RNF150: variants seen among roughly 807,000 people sequenced by gnomAD.
The protein encoded by RNF150 is ring finger protein 150.
RNF150 carries 24 observed loss-of-function variants against 39.3 expected under a neutral mutation model. That is an observed-to-expected ratio of 0.61 (90% confidence interval 0.44 to 0.86). The LOEUF is 0.86. RNF150 is among the 40% of genes least tolerant of loss of function. RNF150 has a pLI of 0.00. For synonymous variants in RNF150, 255 were observed against 227.3 expected (o/e 1.12, Z -1.10); for missense variants, 502 against 587.8 (o/e 0.85, Z 1.51).
chr4:140,878,115 T>G (rs1178604833), intron 6 of RNF150, among the ~76,000 whole-genome samples: 5 of 152,024 alleles, frequency 3.3e-5, no homozygotes, highest in Non-Finnish European at 7.4e-5. Flanking sequence ...TTTTATTTAT[T>G]TATTTTTAAT....
At chr4:140,985,196 G>A (rs1018019351) in intron 1 of RNF150, among the ~76,000 whole-genome samples, 6 of 152,028 alleles carry the variant, frequency 3.9e-5, no homozygotes, top group Admixed American at 2.0e-4. Flanking sequence ...AGAAAACAGC[G>A]AATGCAAAAA....
chr4:141,140,217 C>G (rs904412729), intron 1 of RNF150, among the ~76,000 whole-genome samples: 10 of 152,176 alleles, frequency 6.6e-5, no homozygotes, highest in African/African-American at 2.4e-4. Flanking sequence ...TCTTTGTTCT[C>G]TTACTAACTT....
At chr4:141,170,057 A>G (rs775899897) in intron 1 of RNF150, among the ~76,000 whole-genome samples, 10 of 152,206 alleles carry the variant, frequency 6.6e-5, no homozygotes, top group Non-Finnish European at 1.3e-4. Context: ...GTCTAGATTT[A>G]GGGATGGCTC....
At chr4:140,922,251 G>T (rs557885130) in intron 5 of RNF150, among the ~76,000 whole-genome samples, 170 of 151,520 alleles carry the variant, frequency 1.1e-3, no homozygotes, top group African/African-American at 3.7e-3. Flanking sequence ...TTCTTAAGCT[G>T]ATAAGCAACT....
At chr4:140,892,312 T>C (rs1351480260) in intron 6 of RNF150, among the ~76,000 whole-genome samples, 1 of 152,192 alleles carries the variant, frequency 6.6e-6, no homozygotes, top group Non-Finnish European at 1.5e-5. Context: ...CTTTTGCTAA[T>C]CTGATCTATG....
intron 1 of RNF150, among the ~76,000 whole-genome samples, chr4:141,160,764 A>G (rs551587277): frequency 6.6e-6 from 1 of 152,294 alleles, no homozygotes; most frequent in East Asian, 1.9e-4. Context: ...TAAGTAAGAC[A>G]TATCTGTTGC....
intron 1 of RNF150, among the ~76,000 whole-genome samples, chr4:141,150,995 A>G (rs1187920300): frequency 6.6e-6 from 1 of 152,084 alleles, no homozygotes; most frequent in Non-Finnish European, 1.5e-5. Context: ...GTCATGGCAC[A>G]ATCATAGCTC....
chr4:140,989,824 T>G (rs2111476296), intron 1 of RNF150, among the ~76,000 whole-genome samples: 1 of 152,256 alleles, frequency 6.6e-6, no homozygotes, highest in East Asian at 1.9e-4. Context: ...ATGATAGTAC[T>G]TGCAGCAAAT....
At position 141,120,389 on chromosome 4, in the gene RNF150, G is replaced by C. The variant is rs564011167; in HGVS notation, c.484+11936C>G. 3.9e-5 allele frequency among the ~76,000 whole-genome samples: 6 copies of C among 152,248 alleles called. No homozygotes were observed. In the East Asian group the frequency reaches 1.2e-3, roughly 29 times the overall value. ...TGATAGGAGAATCTGAAAAAATTGA[G>C]GGTGGTGACTGGGTACTCTTCCTGC... On this transcript the variant is annotated intron_variant, in intron 1 of 6. Coordinates refer to ENST00000515673, the MANE Select transcript of RNF150 (RefSeq NM_020724.2).
intron 5 of RNF150, among the ~76,000 whole-genome samples, chr4:140,916,123 TA>T (rs1730816161): frequency 6.6e-6 from 1 of 152,026 alleles, no homozygotes; most frequent in African/African-American, 2.4e-5. Flanking sequence ...CCGGAAACTC[TA>T]AAAATCAGAG....
At chr4:141,111,193 G>C (rs969608910) in intron 1 of RNF150, among the ~76,000 whole-genome samples, 4 of 152,192 alleles carry the variant, frequency 2.6e-5, no homozygotes, top group African/African-American at 9.7e-5. Flanking sequence ...CTTTCACATA[G>C]AACAGCTAAG....
chr4:141,153,261 T>A (rs1407235449), intron 1 of RNF150, among the ~76,000 whole-genome samples: 1 of 152,126 alleles, frequency 6.6e-6, no homozygotes, highest in African/African-American at 2.4e-5. Context: ...AAGTCCTAAC[T>A]CCCAGTACCA....
chr4:141,190,046 G>A (rs1728077679), intron 1 of RNF150, among the ~76,000 whole-genome samples: 1 of 151,830 alleles, frequency 6.6e-6, no homozygotes. Context: ...GTCCCTCATG[G>A]CACAGTCCCT....
Position 141,132,015 on chromosome 4 carries a change from C to G in RNF150, c.484+310G>C, listed in dbSNP as rs1726902366. ...GCCGGTCACTAACCAAGAACAGTAT[C>G]TGAGCCCTACCCTCCAAACCCCACC... On this transcript the variant is annotated intron_variant, in intron 1 of 6. Transcript: ENST00000515673. This position sits in a 1 kb window ranked among gnomAD's most constrained non-coding sequence, Gnocchi z 4.9. Among the ~76,000 whole-genome samples the G allele has an allele frequency of 6.6e-6, 1 of 152,120 alleles. No homozygotes were observed. Among genetic ancestry groups the G allele is most frequent in the African/African-American group, 2.4e-5 (1 of 41,406 alleles).
intron 6 of RNF150, among the ~76,000 whole-genome samples, chr4:140,873,952 C>T (rs1028963734): frequency 3.3e-5 from 5 of 152,170 alleles, no homozygotes; most frequent in African/African-American, 1.2e-4. Flanking sequence ...AGGCATGAGC[C>T]ACCATGCCCG....
At chr4:140,951,013 C>A (rs532027657) in intron 2 of RNF150, among the ~76,000 whole-genome samples, 1 of 152,222 alleles carries the variant, frequency 6.6e-6, no homozygotes, top group African/African-American at 2.4e-5. Context: ...AGAAAAAGAA[C>A]TGAACTGAGG....
chr4:141,073,615 A>T (rs1156547951), intron 1 of RNF150, among the ~76,000 whole-genome samples: 2 of 151,630 alleles, frequency 1.3e-5, no homozygotes, highest in Non-Finnish European at 2.9e-5. Flanking sequence ...TATTTCCTGA[A>T]TTGCTACACT....
At position 140,965,500 on chromosome 4, in the gene RNF150, T is replaced by C. The variant is rs546103188; in HGVS notation, c.735+2123A>G. On this transcript the variant is annotated intron_variant, in intron 2 of 6. Coordinates refer to ENST00000515673, the MANE Select transcript of RNF150 (RefSeq NM_020724.2). ...GATAGGGAAGCGACCTAAGTGTCCATGTGTCCACTGAAGGACGAATGGATA... is the reference window on the plus strand; with the variant it reads ...GATAGGGAAGCGACCTAAGTGTCCACGTGTCCACTGAAGGACGAATGGATA... Among the ~76,000 whole-genome samples, 4 of 152,238 alleles carry C rather than the reference T, an allele frequency of 2.6e-5. No homozygotes were observed. In the East Asian group the frequency reaches 5.8e-4, roughly 22 times the overall value.
intron 1 of RNF150, among the ~76,000 whole-genome samples, chr4:141,043,854 T>C (rs947328172): frequency 6.6e-6 from 1 of 152,080 alleles, no homozygotes; most frequent in African/African-American, 2.4e-5. Context: ...ATCACAACCT[T>C]GATTTCAGAC....
Sources: gnomAD v4.1 joint callset for allele counts (sites outside exome capture counted in the v4.1 genomes callset) on GRCh38, gnomAD v4.1.1 for gene constraint, Gnocchi (gnomAD v3.1) non-coding constraint, MANE v1.5 for transcripts, NCBI Gene and HGNC (gene_info 2026-07-23, HGNC 2026-07-21) for gene names.